The following CFAP299 variants were observed in gnomAD, a reference collection of about 807,000 sequenced individuals.
CFAP299 encodes the protein cilia and flagella associated protein 299, also known as cilia- and flagella-associated protein 299.
CFAP299 carries 21 observed loss-of-function variants against 27.0 expected under a neutral mutation model. The observed-to-expected ratio is 0.78, with a 90% CI of 0.55 to 1.12. The LOEUF (loss-of-function observed/expected upper bound fraction) is 1.12. Ranked by LOEUF, CFAP299 falls within the 50% of genes most tolerant of loss-of-function variation. The pLI is 0.00. For missense variants in CFAP299, 310 were observed against 276.6 expected, an observed-to-expected ratio of 1.12 and a Z score of -0.86; for synonymous variants, 104 against 98.1, an observed-to-expected ratio of 1.06 and a Z score of -0.36.
At chr4:80,439,533 CCA>C (rs1303285748) in intron 2 of CFAP299, among the ~76,000 whole-genome samples, 4 of 152,172 alleles carry the variant, frequency 2.6e-5, no homozygotes, top group Non-Finnish European at 5.9e-5. Flanking sequence ...ATGCTTTTCC[CCA>C]GTTTTCCCAG....
At chr4:80,367,162 A>G (rs954679560) in intron 2 of CFAP299, among the ~76,000 whole-genome samples, 4 of 152,210 alleles carry the variant, frequency 2.6e-5, no homozygotes, top group South Asian at 2.1e-4. Flanking sequence ...ACTAAAATCT[A>G]TTGACTTGTG....
At chr4:80,476,675 T>A (rs1730288109) in intron 2 of CFAP299, among the ~76,000 whole-genome samples, 1 of 152,196 alleles carries the variant, frequency 6.6e-6, no homozygotes, top group Non-Finnish European at 1.5e-5. Context: ...GTGTTCTTCA[T>A]CATTATTTGT....
At chr4:80,490,106 A>G (rs574723274) in intron 2 of CFAP299, among the ~76,000 whole-genome samples, 4 of 152,242 alleles carry the variant, frequency 2.6e-5, no homozygotes, top group Middle Eastern at 6.8e-3. Flanking sequence ...TCAGATATTA[A>G]TTGTCCTCCT....
chr4:80,573,383 G>A (rs1735690618), intron 2 of CFAP299, among the ~76,000 whole-genome samples: 1 of 152,008 alleles, frequency 6.6e-6, no homozygotes, highest in African/African-American at 2.4e-5. Flanking sequence ...TCCCTTGTCA[G>A]AAGGGTAGTT....
intron 2 of CFAP299, among the ~76,000 whole-genome samples, chr4:80,413,750 CTTTTTTTTT>C (rs66780627): frequency 4.6e-5 from 5 of 108,322 alleles, no homozygotes; most frequent in South Asian, 3.2e-4. Flanking sequence ...TTGTGTCATT[CTTTTTTTTT>C]TTTTTTTTGC....
At chr4:80,516,227 G>A (rs956939789) in intron 2 of CFAP299, among the ~76,000 whole-genome samples, 3 of 151,860 alleles carry the variant, frequency 2.0e-5, no homozygotes, top group African/African-American at 7.3e-5. Context: ...CACTGTGTTG[G>A]TCAGGTTGGT....
At chr4:80,512,873 C>T (rs1329254718) in intron 2 of CFAP299, among the ~76,000 whole-genome samples, 1 of 151,866 alleles carries the variant, frequency 6.6e-6, no homozygotes, top group Non-Finnish European at 1.5e-5. Flanking sequence ...TTCTCTTTCC[C>T]TCTTTTTCTT....
chr4:80,406,180 T>C (rs1391460168), intron 2 of CFAP299, among the ~76,000 whole-genome samples: 1 of 152,208 alleles, frequency 6.6e-6, no homozygotes, highest in African/African-American at 2.4e-5. Flanking sequence ...ATAAACCTTG[T>C]ACATTTGTTT....
chr4:80,832,679 T>G (rs1229920579), intron 3 of CFAP299, among the ~76,000 whole-genome samples: 1 of 152,168 alleles, frequency 6.6e-6, no homozygotes, highest in East Asian at 1.9e-4. Flanking sequence ...TTTATTTCAT[T>G]TTCGGAGGTA....
At chr4:80,855,135 A>G (rs879750424) in intron 3 of CFAP299, among the ~76,000 whole-genome samples, 50 of 152,214 alleles carry the variant, frequency 3.3e-4, no homozygotes, top group Non-Finnish European at 5.7e-4. Flanking sequence ...GGAATTGTGC[A>G]GTCAAAGAAA....
intron 3 of CFAP299, among the ~76,000 whole-genome samples, chr4:80,651,612 A>G (rs115889769): frequency 0.012 from 1,878 of 151,054 alleles, 40 homozygotes; most frequent in African/African-American, 0.043. Flanking sequence ...TGATCCTCCT[A>G]TCTGAGCCTC....
chr4:80,746,629 G>T (rs1724616948), intron 3 of CFAP299, among the ~76,000 whole-genome samples: 1 of 151,896 alleles, frequency 6.6e-6, no homozygotes, highest in Admixed American at 6.6e-5. Context: ...AGATGGGTAT[G>T]CTCCTTAGTG....
intron 2 of CFAP299, among the ~76,000 whole-genome samples, chr4:80,405,199 G>A (rs759162170): frequency 1.7e-4 from 26 of 152,152 alleles, no homozygotes; most frequent in Non-Finnish European, 3.5e-4. Flanking sequence ...ACGCTGGCCT[G>A]TTAGCAGTGT....
intron 3 of CFAP299, among the ~76,000 whole-genome samples, chr4:80,799,246 A>G (rs1485115830): frequency 1.1e-4 from 12 of 114,228 alleles, no homozygotes; most frequent in Admixed American, 6.2e-4. Context: ...ATTTATATAT[A>G]TTGTATAAAT....
At chr4:80,509,754 A>G (rs1185758407) in intron 2 of CFAP299, among the ~76,000 whole-genome samples, 1 of 152,186 alleles carries the variant, frequency 6.6e-6, no homozygotes, top group Non-Finnish European at 1.5e-5. Flanking sequence ...TGAAGATTGA[A>G]CATTTTGCTT....
intron 3 of CFAP299, among the ~76,000 whole-genome samples, chr4:80,849,050 G>C (rs72865122): frequency 0.044 from 6,739 of 152,048 alleles, 281 homozygotes; most frequent in African/African-American, 0.12. Flanking sequence ...TTTACTTTAT[G>C]AAATTTCAAA....
At chr4:80,508,190 T>C (rs1200017797) in intron 2 of CFAP299, among the ~76,000 whole-genome samples, 1 of 152,218 alleles carries the variant, frequency 6.6e-6, no homozygotes, top group African/African-American at 2.4e-5. Flanking sequence ...TCTGCTATGT[T>C]TTTGATTTTT....
intron 2 of CFAP299, among the ~76,000 whole-genome samples, chr4:80,445,883 G>A (rs1728592185): frequency 6.6e-6 from 1 of 152,158 alleles, no homozygotes; most frequent in African/African-American, 2.4e-5. Context: ...GTTTATTACA[G>A]TAATAAATAA....
chr4:80,640,207 T>C (rs988565194), intron 3 of CFAP299, among the ~76,000 whole-genome samples: 6 of 152,216 alleles, frequency 3.9e-5, no homozygotes, highest in Non-Finnish European at 7.3e-5. Context: ...CCAGGAGTTA[T>C]GGCTATGAAG....
Sources: allele counts gnomAD v4.1 joint callset (sites outside exome capture counted in the v4.1 genomes callset), GRCh38; gene constraint gnomAD v4.1.1; transcripts MANE v1.5; gene names NCBI Gene and HGNC (gene_info 2026-07-23, HGNC 2026-07-21).